The following CNTN1 variants were observed in gnomAD, a reference collection of about 807,000 sequenced individuals.
The protein encoded by CNTN1 is contactin 1.
A neutral mutation model predicts 126.4 loss-of-function variants in CNTN1; 38 were observed. The observed-to-expected ratio is 0.30, with a 90% CI of 0.23 to 0.39. The LOEUF is 0.39. Ranked by LOEUF, CNTN1 falls within the 10% of genes least tolerant of loss-of-function variation. The probability of loss-of-function intolerance (pLI) is 1.00; values close to 1 mark genes in which losing one functional copy is unlikely to be tolerated. For missense variants in CNTN1, 1,009 were observed against 1,248.4 expected, an observed-to-expected ratio of 0.81 and a Z score of 2.89; for synonymous variants, 413 against 422.6, an observed-to-expected ratio of 0.98 and a Z score of 0.28.
intron 1 of CNTN1, among the ~76,000 whole-genome samples, chr12:40,826,475 A>G (rs1204197644): frequency 6.6e-6 from 1 of 152,204 alleles, no homozygotes. Context: ...TGGCACATGG[A>G]ATACATAATA....
intron 23 of CNTN1, among the ~76,000 whole-genome samples, chr12:41,067,129 C>A (rs1051644093): frequency 1.3e-5 from 2 of 152,094 alleles, no homozygotes; most frequent in African/African-American, 2.4e-5. Context: ...TACTTCAATT[C>A]GGTCTCTAAT....
intron 14 of CNTN1, among the ~76,000 whole-genome samples, chr12:40,953,685 G>A (rs913014021): frequency 1.4e-4 from 21 of 152,036 alleles, no homozygotes; most frequent in Admixed American, 8.5e-4. Flanking sequence ...TTTAAAAATC[G>A]TAAAAGAGTT....
chr12:41,054,832 T>A (rs938457209), intron 23 of CNTN1, among the ~76,000 whole-genome samples: 2 of 152,148 alleles, frequency 1.3e-5, no homozygotes, highest in Non-Finnish European at 2.9e-5. Context: ...GTGTTAATTT[T>A]AAAATATTGT....
chr12:41,059,690 A>T (rs1592478946), intron 23 of CNTN1, among the ~76,000 whole-genome samples: 1 of 152,106 alleles, frequency 6.6e-6, no homozygotes, highest in Non-Finnish European at 1.5e-5. Flanking sequence ...TGTGTCCTAG[A>T]CAAATTAGGC....
intron 23 of CNTN1, among the ~76,000 whole-genome samples, chr12:41,056,976 TTTAGATATTTATAAATATTATA>T (rs1949825085): frequency 1.9e-5 from 2 of 106,828 alleles, no homozygotes; most frequent in East Asian, 2.4e-4. Flanking sequence ...ATTATAAATA[TTTAGATATTTATAAATATTATA>T]AATATTTAGA....
intron 1 of CNTN1, among the ~76,000 whole-genome samples, chr12:40,879,139 T>C (rs1943786822): frequency 6.6e-6 from 1 of 152,114 alleles, no homozygotes; most frequent in Non-Finnish European, 1.5e-5. Flanking sequence ...AATGTCATGG[T>C]TTTTCATGTT....
intron 14 of CNTN1, among the ~76,000 whole-genome samples, chr12:40,952,183 GA>G (rs1447256851): frequency 1.3e-5 from 2 of 152,058 alleles, no homozygotes; most frequent in Non-Finnish European, 2.9e-5. Context: ...TTGACTTGGT[GA>G]AACTAGGGCT....
intron 5 of CNTN1, 44 bp from the exon 6 acceptor site, chr12:40,924,513 T>C: frequency 1.0e-6 from 1 of 1,004,380 alleles, no homozygotes; most frequent in Non-Finnish European, 1.6e-6. Flanking sequence ...TCTCTTTCTA[T>C]TGACCAGAGA....
At chr12:40,979,491 C>T (rs991596273) in intron 15 of CNTN1, among the ~76,000 whole-genome samples, 1 of 151,902 alleles carries the variant, frequency 6.6e-6, no homozygotes, top group Non-Finnish European at 1.5e-5. Context: ...TTTAGTATTA[C>T]ATTAATTATG....
intron 23 of CNTN1, among the ~76,000 whole-genome samples, chr12:41,057,752 C>T (rs934752983): frequency 2.0e-5 from 3 of 151,762 alleles, no homozygotes; most frequent in Non-Finnish European, 2.9e-5. Context: ...TGTTTTCTGG[C>T]GTTTTGGCGT....
intron 1 of CNTN1, among the ~76,000 whole-genome samples, chr12:40,755,829 T>TATA (rs1344297167): frequency 1.3e-5 from 2 of 152,024 alleles, no homozygotes; most frequent in African/African-American, 4.8e-5. Context: ...CCCTTATTAT[T>TATA]ATATGGTACT....
intron 1 of CNTN1, among the ~76,000 whole-genome samples, chr12:40,704,930 G>A (rs1565622389): frequency 6.6e-6 from 1 of 152,160 alleles, no homozygotes; most frequent in Non-Finnish European, 1.5e-5. Flanking sequence ...ATACTGAAAT[G>A]TGCTCAGAGA....
intron 1 of CNTN1, among the ~76,000 whole-genome samples, chr12:40,842,514 A>C (rs1942323671): frequency 1.3e-5 from 2 of 152,070 alleles, no homozygotes. Flanking sequence ...GTACCCCCAT[A>C]ATATATATAA....
intron 17 of CNTN1, among the ~76,000 whole-genome samples, chr12:41,001,798 A>C (rs1948366822): frequency 6.6e-6 from 1 of 152,126 alleles, no homozygotes; most frequent in African/African-American, 2.4e-5. Context: ...GTTCATTTTC[A>C]TATATGGTGT....
chr12:40,831,597 T>A (rs1592135881), intron 1 of CNTN1, among the ~76,000 whole-genome samples: 1 of 152,172 alleles, frequency 6.6e-6, no homozygotes, highest in East Asian at 1.9e-4. Context: ...AGATATGCTC[T>A]TAAGGGTTGA....
At chr12:40,939,599 T>TC (rs1946196329) in intron 12 of CNTN1, 114 bp downstream of exon 12, 2 of 1,093,638 alleles carry the variant, frequency 1.8e-6, no homozygotes, top group Non-Finnish European at 2.7e-6. Flanking sequence ...ATTTTTTTTT[T>TC]CACAGAAGAT....
At chr12:40,728,418 T>A (rs1375151888) in intron 1 of CNTN1, among the ~76,000 whole-genome samples, 1 of 152,046 alleles carries the variant, frequency 6.6e-6, no homozygotes, top group African/African-American at 2.4e-5. Context: ...GTAGAGGACC[T>A]AAAAAAAGGC....
intron 17 of CNTN1, among the ~76,000 whole-genome samples, chr12:40,995,430 GA>G (rs1357471427): frequency 6.6e-6 from 1 of 151,998 alleles, no homozygotes; most frequent in Admixed American, 6.6e-5. Context: ...AATAATAAAA[GA>G]AGAGCTATCA....
At chr12:40,753,241 A>G (rs1384770386) in intron 1 of CNTN1, among the ~76,000 whole-genome samples, 2 of 152,048 alleles carry the variant, frequency 1.3e-5, no homozygotes, top group Non-Finnish European at 1.5e-5. Context: ...CATCTTCACT[A>G]TTTGTTGCTT....
Sources: allele counts gnomAD v4.1 joint callset (sites outside exome capture counted in the v4.1 genomes callset), GRCh38; gene constraint gnomAD v4.1.1; transcripts MANE v1.5; gene names NCBI Gene and HGNC (gene_info 2026-07-23, HGNC 2026-07-21).